Variants in EIPR1 observed in about 807,000 individuals in gnomAD.
EIPR1 encodes the protein EARP and GARP complex-interacting protein 1.
EIPR1 carries 25 observed loss-of-function variants against 48.1 expected under a neutral mutation model. That is an observed-to-expected ratio of 0.52 (90% CI 0.38 to 0.73). The LOEUF (loss-of-function observed/expected upper bound fraction) is 0.73. Among genes scored for constraint, EIPR1 ranks in the 30% least tolerant of loss-of-function variants. The pLI is 0.00. For synonymous variants in EIPR1, 204 were observed against 201.9 expected (o/e 1.01, Z -0.09); for missense variants, 415 against 506.2 (o/e 0.82, Z 1.73).
chr2:3,263,383 G>A (rs1297148176), intron 3 of EIPR1, among the ~76,000 whole-genome samples: 1 of 152,162 alleles, frequency 6.6e-6, no homozygotes. Flanking sequence ...TCCATCCTGA[G>A]AACAGGAAGA....
chr2:3,197,025 T>G lies in EIPR1; in HGVS notation c.517-8A>C, dbSNP rs774278068. ...GGACGCTGAGCTGGCCAGCTGGGAG[T>G]GTCACGATGTTTTCCAAAGGAAGAA... On this transcript the variant is annotated splice_region_variant and splice_polypyrimidine_tract_variant and intron_variant, in intron 5 of 8. Transcript: ENST00000382125. 4 of 1,612,422 alleles carry G rather than the reference T, an allele frequency of 2.5e-6. No homozygotes were observed. The highest frequency in any genetic ancestry group is 2.7e-5 in the African/African-American group (2 of 74,836).
chr2:3,241,206 G>A (rs1341566378), intron 4 of EIPR1, among the ~76,000 whole-genome samples: 1 of 152,226 alleles, frequency 6.6e-6, no homozygotes, highest in African/African-American at 2.4e-5. Context: ...AAAGCCAGCT[G>A]GTACCTCCTA....
chr2:3,237,269 C>CA (rs1430650088), intron 4 of EIPR1, among the ~76,000 whole-genome samples: 2 of 146,764 alleles, frequency 1.4e-5, no homozygotes, highest in African/African-American at 5.2e-5. Flanking sequence ...CACACACACA[C>CA]ACCATACATA....
At chr2:3,296,242 CCA>C (rs61435653) in intron 3 of EIPR1, among the ~76,000 whole-genome samples, 1 of 100,778 alleles carries the variant, frequency 9.9e-6, no homozygotes, top group Non-Finnish European at 2.1e-5. Flanking sequence ...CCCATCCTCA[CCA>C]CACACAGACA....
Position 3,338,075 on chromosome 2 carries a change from G to A in EIPR1, c.201C>T (p.Ile67=). ...CTGCAGGGCTAGCGCTAATATGCCA[G>A]ATTTCACCCGCTTGATGGAGGAGGA... is the stretch of plus-strand genomic sequence containing the variant. ...KNVLLHQAGE[I]WHISASPADR... The change falls in exon 3 of 9, where the codon ATC becomes ATT. Residue 67 remains isoleucine, a synonymous_variant. Transcript: ENST00000382125. 1.2e-6 allele frequency: 2 copies of A among 1,613,216 alleles called. No individual in the cohort carries two copies. The highest frequency in any genetic ancestry group is 1.7e-6 in the Non-Finnish European group (2 of 1,179,874).
At position 3,286,772 on chromosome 2, in the gene EIPR1, T is replaced by G. The variant is rs1668198117; in HGVS notation, c.260-29317A>C. On this transcript the variant is annotated intron_variant, in intron 3 of 8. Transcript: ENST00000382125. This position sits in a 1 kb window ranked among gnomAD's most constrained non-coding sequence, Gnocchi z 4.2. ...CAGCTCCAAGAGGCGGAGCTATCAATTTCACATACAGACAAGGAAACCAAG... is the reference window on the plus strand; with the variant it reads ...CAGCTCCAAGAGGCGGAGCTATCAAGTTCACATACAGACAAGGAAACCAAG... Among the ~76,000 whole-genome samples, 1 of 152,220 alleles carries G rather than the reference T, an allele frequency of 6.6e-6. No individual in the cohort carries two copies. Among genetic ancestry groups the G allele is most frequent in the Non-Finnish European group, 1.5e-5 (1 of 68,030 alleles).
intron 4 of EIPR1, among the ~76,000 whole-genome samples, chr2:3,223,254 C>T (rs1246107106): frequency 2.6e-5 from 4 of 152,186 alleles, no homozygotes; most frequent in African/African-American, 4.8e-5. Flanking sequence ...CCACAAAGGT[C>T]GCTGGGACTT....
At chr2:3,213,408 AT>A (rs1665524208) in intron 5 of EIPR1, among the ~76,000 whole-genome samples, 1 of 152,238 alleles carries the variant, frequency 6.6e-6, no homozygotes, top group Non-Finnish European at 1.5e-5. Flanking sequence ...AACGATGCAT[AT>A]TTAAAAGCAA....
At chr2:3,362,183 C>T (rs75885165) in intron 1 of EIPR1, among the ~76,000 whole-genome samples, 2,298 of 152,214 alleles carry the variant, frequency 0.015, 26 homozygotes, top group Non-Finnish European at 0.024. Flanking sequence ...TTTCATCACA[C>T]GGGGATGAGC....
intron 4 of EIPR1, among the ~76,000 whole-genome samples, chr2:3,243,349 G>A (rs1471826714): frequency 6.6e-6 from 1 of 152,090 alleles, no homozygotes; most frequent in Non-Finnish European, 1.5e-5. Context: ...CACAAGCAAG[G>A]CCAGGCACGG....
intron 3 of EIPR1, among the ~76,000 whole-genome samples, chr2:3,297,031 G>A (rs1668623121): frequency 7.9e-6 from 1 of 127,376 alleles, no homozygotes; most frequent in Non-Finnish European, 1.7e-5. Context: ...CAGGCAGGTG[G>A]TGGCAGTTTC....
intron 3 of EIPR1, chr2:3,320,106 C>T: frequency 5.4e-6 from 1 of 185,342 alleles, no homozygotes; most frequent in South Asian, 7.5e-5. Flanking sequence ...GCAGGCAGGG[C>T]AACACCGCCC....
At chr2:3,296,713 A>G (rs1310675382) in intron 3 of EIPR1, among the ~76,000 whole-genome samples, 1 of 146,976 alleles carries the variant, frequency 6.8e-6, no homozygotes, top group Non-Finnish European at 1.5e-5. Context: ...GAATCCATCC[A>G]GCCCATCCTC....
chr2:3,228,510 G>A (rs1159960236), intron 4 of EIPR1, among the ~76,000 whole-genome samples: 1 of 152,176 alleles, frequency 6.6e-6, no homozygotes, highest in Non-Finnish European at 1.5e-5. Context: ...TTGGACTTTT[G>A]GGTTAATGCT....
intron 3 of EIPR1, among the ~76,000 whole-genome samples, chr2:3,327,911 G>A (rs1183707857): frequency 6.6e-6 from 1 of 151,990 alleles, no homozygotes; most frequent in Non-Finnish European, 1.5e-5. Flanking sequence ...CCAGGCTGGA[G>A]TGCAGTGGCA....
intron 3 of EIPR1, among the ~76,000 whole-genome samples, chr2:3,297,544 G>A (rs1273158922): frequency 6.6e-6 from 1 of 152,244 alleles, no homozygotes; most frequent in Non-Finnish European, 1.5e-5. Flanking sequence ...CTCATGCCCA[G>A]GGGAAACAGC....
intron 4 of EIPR1, among the ~76,000 whole-genome samples, chr2:3,235,230 C>T (rs1009591686): frequency 1.3e-5 from 2 of 152,228 alleles, no homozygotes; most frequent in African/African-American, 4.8e-5. Context: ...ATGAGTGCTA[C>T]AAATGACTTA....
intron 4 of EIPR1, among the ~76,000 whole-genome samples, chr2:3,237,417 C>T (rs780867416): frequency 1.3e-5 from 2 of 152,146 alleles, no homozygotes; most frequent in South Asian, 4.1e-4. Flanking sequence ...ACCTTTAGTC[C>T]AGTCTATTGT....
chr2:3,323,001 C>T (rs1415246583), intron 3 of EIPR1, among the ~76,000 whole-genome samples: 1 of 151,996 alleles, frequency 6.6e-6, no homozygotes. Context: ...ACAAACGTTA[C>T]GAAAATGCAA....
Sources: allele counts gnomAD v4.1 joint callset (sites outside exome capture counted in the v4.1 genomes callset), GRCh38; gene constraint gnomAD v4.1.1; non-coding constraint Gnocchi (gnomAD v3.1); transcripts MANE v1.5; gene names NCBI Gene and HGNC (gene_info 2026-07-23, HGNC 2026-07-21).